The following NLRC5 variants were observed in gnomAD, a reference collection of about 807,000 sequenced individuals.
NLRC5 encodes the protein NLR family CARD domain containing 5.
In NLRC5, 114 loss-of-function variants were observed where a neutral mutation model predicts 206.9. The observed-to-expected ratio is 0.55, with a 90% CI of 0.47 to 0.64. NLRC5 has a LOEUF of 0.64. Ranked by LOEUF, NLRC5 falls within the 30% of genes least tolerant of loss-of-function variation. NLRC5 has a pLI of 0.00. For synonymous variants in NLRC5, 952 were observed against 962.8 expected (o/e 0.99, Z 0.21); for missense variants, 2,008 against 2,305.5 (o/e 0.87, Z 2.64).
chr16:57,048,175 G>C (rs1374861937), intron 23 of NLRC5: 1 of 154,026 alleles, frequency 6.5e-6, no homozygotes, highest in Non-Finnish European at 1.4e-5. Context: ...TCATTGTGGT[G>C]ATTCTATTAT....
intron 21 of NLRC5, among the ~76,000 whole-genome samples, chr16:57,045,947 C>T (rs1597339577): frequency 6.6e-6 from 1 of 152,250 alleles, no homozygotes; most frequent in South Asian, 2.1e-4. Context: ...ACTAGTTTAG[C>T]TCTTCATGAT....
intron 1 of NLRC5, chr16:57,013,065 A>C (rs2059666015): frequency 5.3e-6 from 1 of 190,096 alleles, no homozygotes; most frequent in Non-Finnish European, 1.2e-5. Flanking sequence ...TGCCTTGATT[A>C]CTCTTTACCT....
intron 28 of NLRC5, 148 bp from the exon 29 acceptor site, chr16:57,058,824 C>T (rs1281896273): frequency 5.5e-6 from 4 of 733,604 alleles, no homozygotes; most frequent in African/African-American, 1.7e-5. Flanking sequence ...TCCTTCTGGG[C>T]CTCAGTGTGT....
intron 15 of NLRC5, 39 bp downstream of exon 15, chr16:57,037,323 CCA>C (rs1462773147): frequency 2.6e-6 from 4 of 1,530,328 alleles, no homozygotes; most frequent in Non-Finnish European, 3.6e-6. Context: ...ATCCCCCCCC[CCA>C]TCATGCTCTC....
rs375760342 is a variant in NLRC5 at position 57,059,565 on chromosome 16, G to A, written c.3986+33G>A. On this transcript the variant is annotated intron_variant, in intron 30 of 48. Coordinates refer to ENST00000688547, the MANE Select transcript of NLRC5 (RefSeq NM_001384950.1). ...CTGCAGGGTGATGGGACAGGGGACA[G>A]AGAGGGGAGAGGAGGCTGACCCTAT... is the stretch of plus-strand genomic sequence containing the variant. 7.0e-6 allele frequency: 11 copies of A among 1,567,170 alleles called. No homozygotes were observed. In the African/African-American group the frequency reaches 1.5e-4, roughly 21 times the overall value.
intron 15 of NLRC5, among the ~76,000 whole-genome samples, chr16:57,038,363 T>A (rs1318260788): frequency 3.9e-5 from 6 of 152,030 alleles, no homozygotes; most frequent in Admixed American, 1.3e-4. Context: ...GGCTCAGCAA[T>A]CCATCTCTCT....
intron 32 of NLRC5, chr16:57,062,121 T>G (rs1220854025): frequency 3.0e-6 from 3 of 988,680 alleles, no homozygotes; most frequent in Non-Finnish European, 4.2e-6. Context: ...TTGTTCATAC[T>G]TTTTTTATAT....
intron 32 of NLRC5, chr16:57,062,121 T>C (rs1220854025): frequency 8.7e-5 from 86 of 988,560 alleles, no homozygotes; most frequent in Non-Finnish European, 1.2e-4. Context: ...TTGTTCATAC[T>C]TTTTTTATAT....
Position 57,026,777 on chromosome 16 carries a change from G to A in NLRC5, c.1834G>A (p.Val612Ile), listed in dbSNP as rs566640446. The change falls in exon 6 of 49, where the codon GTT (valine) becomes ATT (isoleucine). Residue 612 changes from valine to isoleucine, a missense_variant. By Grantham distance (29) the Val-to-Ile change is conservative (BLOSUM62 3). Coordinates refer to ENST00000688547, the MANE Select transcript of NLRC5 (RefSeq NM_001384950.1). ...LATRKLTGPK[V>I]VELCHCVDET... ...CACCCGCAAGCTCACAGGGCCAAAGGTTGTAGAGCTGTGTCACTGTGTGGA... is the reference window on the plus strand; with the variant it reads ...CACCCGCAAGCTCACAGGGCCAAAGATTGTAGAGCTGTGTCACTGTGTGGA... 1.1e-5 allele frequency: 17 copies of A among 1,614,118 alleles called. No homozygotes were observed. The East Asian group carries it at 2.9e-4, about 27-fold the overall frequency.
At chr16:57,075,872 T>C (rs2068332697) in intron 39 of NLRC5, 2 of 152,572 alleles carry the variant, frequency 1.3e-5, no homozygotes, top group Admixed American at 1.3e-4. Context: ...CCAAAATTAA[T>C]TTACTGAAAG....
chr16:57,068,878 T>G (rs1288877956), intron 36 of NLRC5, among the ~76,000 whole-genome samples: 1 of 152,238 alleles, frequency 6.6e-6, no homozygotes. Context: ...GTCTCTGACA[T>G]TTACAGGCCA....
Position 57,065,232 on chromosome 16 carries a change from A to C in NLRC5, c.4175A>C (p.Asp1392Ala), listed in dbSNP as rs1312334726. 1 of 1,564,766 alleles carries C rather than the reference A, an allele frequency of 6.4e-7. No homozygotes were observed. Among genetic ancestry groups the C allele is most frequent in the South Asian group, 1.2e-5 (1 of 85,294 alleles). Residue 1392 changes from aspartate (D) to alanine (A), a missense_variant, in exon 33 of 49, where the codon GAC becomes GCC. Coordinates refer to ENST00000688547, the MANE Select transcript of NLRC5 (RefSeq NM_001384950.1). ...GACAGGGTGCAGGAGCCGTGGGCGG[A>C]CAGAGCCAGGGTTCTCTCCCTGTTA... ...FSLRVQEPWA[D>A]RARVLSLLEV...
intron 2 of NLRC5, among the ~76,000 whole-genome samples, chr16:57,019,854 A>G (rs1365229638): frequency 6.6e-6 from 1 of 152,208 alleles, no homozygotes; most frequent in Non-Finnish European, 1.5e-5. Flanking sequence ...TTGGGAGACA[A>G]CTAGTTGTCT....
intron 48 of NLRC5, among the ~76,000 whole-genome samples, chr16:57,082,078 C>G (rs536713765): frequency 6.6e-6 from 1 of 152,208 alleles, no homozygotes; most frequent in Non-Finnish European, 1.5e-5. Context: ...GAGTAAAGTA[C>G]CTTGTTCTAC....
intron 15 of NLRC5, 120 bp downstream of exon 15, chr16:57,037,404 C>A: frequency 1.1e-6 from 1 of 877,798 alleles, no homozygotes; most frequent in Non-Finnish European, 1.8e-6. Flanking sequence ...TGCTGTCCCA[C>A]CCAGACCCCG....
intron 40 of NLRC5, 102 bp from the exon 41 acceptor site, chr16:57,077,194 C>A: frequency 9.7e-7 from 1 of 1,034,642 alleles, no homozygotes; most frequent in Non-Finnish European, 1.5e-6. Context: ...CTGTGTGAGT[C>A]GAGGCCCTTC....
In NLRC5 at chr16:57,051,393, G is replaced by A. The variant is rs1014664587; in HGVS notation, c.3423-145G>A. 20 of 666,740 alleles carry A rather than the reference G, an allele frequency of 3.0e-5. 1 individual carries two copies. In the East Asian group the frequency reaches 3.8e-4, roughly 13 times the overall value. 41.3% of individuals were successfully genotyped at this position (666,740 alleles called of 1,614,324 possible). ...GACCTTCCTCTTCTTCCAGCCTCAC[G>A]GATAACCCATGGACCCAGTGCTGGG... On this transcript the variant is annotated intron_variant, in intron 23 of 48. Transcript: ENST00000688547.
At chr16:57,059,792 G>C (rs1182674342) in intron 30 of NLRC5, among the ~76,000 whole-genome samples, 1 of 152,206 alleles carries the variant, frequency 6.6e-6, no homozygotes, top group Non-Finnish European at 1.5e-5. Context: ...TCCTTGCCAT[G>C]TCCTGACTAC....
chr16:57,073,384 T>C (rs1228595132), intron 38 of NLRC5, among the ~76,000 whole-genome samples: 1 of 152,190 alleles, frequency 6.6e-6, no homozygotes, highest in African/African-American at 2.4e-5. Context: ...AGTCAGCTTC[T>C]TCCAGCTGTA....
Sources: gnomAD v4.1 joint callset for allele counts (sites outside exome capture counted in the v4.1 genomes callset) on GRCh38, gnomAD v4.1.1 for gene constraint, MANE v1.5 for transcripts, NCBI Gene and HGNC (gene_info 2026-07-23, HGNC 2026-07-21) for gene names.